Variants in MYCBP2 observed in about 807,000 individuals in gnomAD.
MYCBP2 encodes the protein MYC binding protein 2.
MYCBP2 carries 120 observed loss-of-function variants against 525.3 expected under a neutral mutation model. The observed-to-expected ratio is 0.23, with a 90% CI of 0.20 to 0.27. MYCBP2 has a LOEUF of 0.27. Ranked by LOEUF, MYCBP2 falls within the 10% of genes least tolerant of loss-of-function variation. MYCBP2 has a pLI of 1.00. For synonymous variants in MYCBP2, 1,894 were observed against 1,955.8 expected (o/e 0.97, Z 0.83); for missense variants, 4,149 against 5,657.1 (o/e 0.73, Z 8.55).
intron 47 of MYCBP2, among the ~76,000 whole-genome samples, chr13:77,149,263 C>T (rs1212611570): frequency 6.6e-6 from 1 of 152,028 alleles, no homozygotes; most frequent in African/African-American, 2.4e-5. Flanking sequence ...CTCTTATCTA[C>T]CTTGTAAATC....
intron 15 of MYCBP2, among the ~76,000 whole-genome samples, chr13:77,246,190 A>G (rs2069901003): frequency 6.6e-6 from 1 of 152,204 alleles, no homozygotes; most frequent in Non-Finnish European, 1.5e-5. Flanking sequence ...CAAAAGGAAG[A>G]ACATATCTGG....
chr13:77,278,494 T>C (rs557035214), intron 4 of MYCBP2, among the ~76,000 whole-genome samples: 2 of 152,340 alleles, frequency 1.3e-5, no homozygotes, highest in East Asian at 1.9e-4. Context: ...TTACAGGCTA[T>C]TGTGTGTGCT....
chr13:77,186,492 A>G (rs981864614), intron 30 of MYCBP2, among the ~76,000 whole-genome samples: 1 of 152,212 alleles, frequency 6.6e-6, no homozygotes, highest in African/African-American at 2.4e-5. Context: ...TTAGTGTTAG[A>G]TATCAGTAAC....
chr13:77,254,213 A>G (rs1322048624), intron 14 of MYCBP2, among the ~76,000 whole-genome samples: 1 of 151,946 alleles, frequency 6.6e-6, no homozygotes, highest in East Asian at 1.9e-4. Flanking sequence ...TCATTATGCA[A>G]TATTATTTTA....
chr13:77,047,849 C>T (rs369713320), intron 82 of MYCBP2, among the ~76,000 whole-genome samples: 3 of 152,140 alleles, frequency 2.0e-5, no homozygotes, highest in East Asian at 3.9e-4. Context: ...GCCAAGACAG[C>T]CCACAGACTA....
At chr13:77,310,770 G>T (rs1388197374) in intron 1 of MYCBP2, among the ~76,000 whole-genome samples, 1 of 125,398 alleles carries the variant, frequency 8.0e-6, no homozygotes. Flanking sequence ...AGACACAGAC[G>T]TGTGTGCGTG....
At chr13:77,189,502 AAT>A (rs1235560431) in intron 29 of MYCBP2, among the ~76,000 whole-genome samples, 1 of 152,130 alleles carries the variant, frequency 6.6e-6, no homozygotes, top group East Asian at 1.9e-4. Flanking sequence ...TTTGGGGAAA[AAT>A]AATGTTTGTA....
intron 46 of MYCBP2, 65 bp from the exon 47 acceptor site, chr13:77,151,014 C>T: frequency 7.7e-7 from 1 of 1,301,996 alleles, no homozygotes; most frequent in African/African-American, 1.5e-5. Flanking sequence ...TCAAAATAAG[C>T]AACTTACTAT....
chr13:77,282,623 T>C (rs1182277085), intron 3 of MYCBP2, among the ~76,000 whole-genome samples: 3 of 152,154 alleles, frequency 2.0e-5, no homozygotes, highest in African/African-American at 4.8e-5. Flanking sequence ...TGTTTCAACT[T>C]GTGCCTACAT....
intron 54 of MYCBP2, 30 bp from the exon 55 acceptor site, chr13:77,121,525 G>C (rs1251926614): frequency 2.6e-6 from 4 of 1,528,240 alleles, no homozygotes. Context: ...TGTAACATTA[G>C]TTTCTTACGT....
Position 77,098,661 on chromosome 13 carries a change from C to A in MYCBP2, c.8493G>T (p.Arg2831Ser). Residue 2831 changes from arginine to serine, a missense_variant, in exon 56 of 83, where the codon AGG becomes AGT. By Grantham distance (110) the Arg-to-Ser change is moderately radical (BLOSUM62 -1). Transcript: ENST00000544440. Reference protein sequence around the residue: ...SPKPKTLPANRSSPSGASSPR... With the variant: ...SPKPKTLPANSSSPSGASSPR... ...GAGAACTAGCACCCGATGGGCTAGA[C>A]CTATTGGCTGGGAGAGTCTTTGGCT... The A allele has an allele frequency of 6.2e-7, 1 of 1,613,448 alleles. No homozygotes were observed. Among genetic ancestry groups the A allele is most frequent in the Non-Finnish European group, 8.5e-7 (1 of 1,179,736 alleles).
At chr13:77,239,628 C>T (rs766108451) in intron 17 of MYCBP2, among the ~76,000 whole-genome samples, 17 of 152,294 alleles carry the variant, frequency 1.1e-4, no homozygotes, top group Non-Finnish European at 2.1e-4. Flanking sequence ...TCACCTGGAA[C>T]GCTATTAAAG....
chr13:77,218,590 A>G (rs1466183406), intron 20 of MYCBP2, among the ~76,000 whole-genome samples: 5 of 152,152 alleles, frequency 3.3e-5, no homozygotes, highest in Non-Finnish European at 7.4e-5. Context: ...TTTCCTCTTT[A>G]TCACATGGAG....
At chr13:77,244,033 T>C in intron 15 of MYCBP2, 82 bp from the exon 16 acceptor site, 1 of 1,382,006 alleles carries the variant, frequency 7.2e-7, no homozygotes, top group Non-Finnish European at 9.5e-7. Flanking sequence ...TATAACTTAT[T>C]TTCCACATTT....
chr13:77,271,818 G>A (rs1594531899), intron 5 of MYCBP2, among the ~76,000 whole-genome samples: 1 of 152,236 alleles, frequency 6.6e-6, no homozygotes, highest in Non-Finnish European at 1.5e-5. Flanking sequence ...TATCAGCAGC[G>A]TGAAAACGGA....
intron 13 of MYCBP2, among the ~76,000 whole-genome samples, chr13:77,258,219 C>T (rs2072586144): frequency 6.6e-6 from 1 of 152,122 alleles, no homozygotes; most frequent in South Asian, 2.1e-4. Flanking sequence ...AAAATACTTG[C>T]CATAGTATAT....
In MYCBP2 at chr13:77,260,634, A is replaced by AAAT. The variant is rs761735542; in HGVS notation, c.1853-45_1853-43dup. 6.1e-5 allele frequency: 87 copies of AAAT among 1,428,124 alleles called. No homozygotes were observed. The South Asian group carries it at 1.0e-3, about 17-fold the overall frequency. 88.5% of individuals were successfully genotyped at this position (1,428,124 alleles called of 1,614,324 possible). A position where few individuals can be genotyped will look rare whatever the true frequency, so the allele number is the denominator to read the frequency against. On this transcript the variant is annotated intron_variant, in intron 12 of 82. Transcript: ENST00000544440. Reference sequence around the variant, plus strand: ...AGATTAAATCAAGACCTCTATGTACAAATAATAATAATAATGGTTTGTATA... The same window carrying AAAT: ...AGATTAAATCAAGACCTCTATGTACAAATAATAATAATAATAATGGTTTGTATA...
chr13:77,099,059 T>G (rs918499888), intron 55 of MYCBP2, 46 bp from the exon 56 acceptor site: 2 of 1,581,826 alleles, frequency 1.3e-6, no homozygotes, highest in Non-Finnish European at 8.5e-7. Flanking sequence ...AAATTATAAC[T>G]TACTGATAAT....
intron 52 of MYCBP2, among the ~76,000 whole-genome samples, chr13:77,128,968 A>T (rs1014769986): frequency 6.6e-6 from 1 of 152,042 alleles, no homozygotes; most frequent in African/African-American, 2.4e-5. Context: ...GTCATGTGGA[A>T]GTATCACTTA....
Sources: gnomAD v4.1 joint callset for allele counts (sites outside exome capture counted in the v4.1 genomes callset) on GRCh38, gnomAD v4.1.1 for gene constraint, MANE v1.5 for transcripts, NCBI Gene and HGNC (gene_info 2026-07-23, HGNC 2026-07-21) for gene names.